MALRD1: variants seen among roughly 807,000 people sequenced by gnomAD.
MALRD1 encodes MAM and LDL-receptor class A domain-containing protein 1.
In MALRD1, 247 loss-of-function variants were observed where a neutral mutation model predicts 242.1. The observed-to-expected ratio is 1.02, with a 90% confidence interval of 0.92 to 1.13. The LOEUF (loss-of-function observed/expected upper bound fraction) is 1.13. Ranked by LOEUF, MALRD1 falls within the 50% of genes most tolerant of loss-of-function variation. MALRD1 has a pLI of 0.00. For missense variants in MALRD1, 2,989 were observed against 2,533.1 expected (o/e 1.18, Z -3.86); for synonymous variants, 995 against 866.6 (o/e 1.15, Z -2.60).
chr10:19,425,481 C>T lies in MALRD1; in HGVS notation c.4846-24826C>T, dbSNP rs555350065. Among the ~76,000 whole-genome samples, 220 of 152,134 alleles carry T rather than the reference C, an allele frequency of 1.4e-3. No individual in the cohort carries two copies. In the Middle Eastern group the frequency reaches 0.02, roughly 14 times the overall value. On this transcript the variant is annotated intron_variant, in intron 28 of 39. Coordinates refer to ENST00000454679, the MANE Select transcript of MALRD1 (RefSeq NM_001142308.3). Reference sequence around the variant, plus strand: ...ATGTATACATGGATCCATACCCACACATCTGTCTGTGACTGTCTTTTCTTT... The same window carrying T: ...ATGTATACATGGATCCATACCCACATATCTGTCTGTGACTGTCTTTTCTTT...
chr10:19,685,221 G>T (rs941662065), intron 36 of MALRD1, among the ~76,000 whole-genome samples: 2 of 152,066 alleles, frequency 1.3e-5, no homozygotes, highest in Non-Finnish European at 2.9e-5. Context: ...CTCTCTTTAA[G>T]AACTTTTCTT....
intron 24 of MALRD1, among the ~76,000 whole-genome samples, chr10:19,346,035 T>C (rs2130975757): frequency 6.6e-6 from 1 of 152,218 alleles, no homozygotes; most frequent in South Asian, 2.1e-4. Context: ...TCCTCCCACC[T>C]TAGCCTCCTA....
intron 26 of MALRD1, among the ~76,000 whole-genome samples, chr10:19,380,467 G>A (rs970922925): frequency 6.6e-6 from 1 of 151,560 alleles, no homozygotes; most frequent in East Asian, 1.9e-4. Flanking sequence ...TTCATTTTTT[G>A]CTTACGTTCT....
At chr10:19,556,696 A>G (rs1835733676) in intron 32 of MALRD1, among the ~76,000 whole-genome samples, 1 of 152,120 alleles carries the variant, frequency 6.6e-6, no homozygotes, top group Non-Finnish European at 1.5e-5. Flanking sequence ...AGTTTTGGCA[A>G]TTATAAATAA....
intron 31 of MALRD1, among the ~76,000 whole-genome samples, chr10:19,517,494 C>T (rs1006320756): frequency 4.6e-5 from 7 of 152,126 alleles, no homozygotes; most frequent in African/African-American, 7.2e-5. Flanking sequence ...AGAGTTTTCT[C>T]GCTGTAGCCA....
At chr10:19,137,388 A>G (rs2583652) in intron 10 of MALRD1, among the ~76,000 whole-genome samples, 114,085 of 151,828 alleles carry the variant, frequency 0.75, 43,079 homozygotes, top group East Asian at 0.82. Context: ...GGCAGATCAC[A>G]AGGTCAGGAG....
At chr10:19,401,211 A>G (rs1424696648) in intron 28 of MALRD1, among the ~76,000 whole-genome samples, 3 of 152,176 alleles carry the variant, frequency 2.0e-5, no homozygotes, top group Admixed American at 6.5e-5. Flanking sequence ...AGTCTATGTC[A>G]TACATTTGCA....
chr10:19,214,079 TA>T lies in MALRD1; in HGVS notation c.2991+4401del, dbSNP rs572735821. 2.7e-3 allele frequency among the ~76,000 whole-genome samples: 417 copies of T among 152,350 alleles called. 2 individuals carry two copies. Among genetic ancestry groups the T allele is most frequent in the African/African-American group, 9.6e-3 (400 of 41,592 alleles). On this transcript the variant is annotated intron_variant, in intron 18 of 39. Coordinates refer to ENST00000454679, the MANE Select transcript of MALRD1 (RefSeq NM_001142308.3). ...TAGGTACTTTTCTCTATGCCTGTCCTAACAATTACTTAGCTATGTACTTTAG... is the reference window on the plus strand; with the variant it reads ...TAGGTACTTTTCTCTATGCCTGTCCTACAATTACTTAGCTATGTACTTTAG...
At chr10:19,591,895 A>G (rs913826633) in intron 33 of MALRD1, among the ~76,000 whole-genome samples, 3 of 152,222 alleles carry the variant, frequency 2.0e-5, no homozygotes, top group Admixed American at 2.0e-4. Context: ...TTGATTACTG[A>G]AAGGAAACCA....
chr10:19,270,336 T>TCTCACACACA (rs1366865915), intron 19 of MALRD1, among the ~76,000 whole-genome samples: 32 of 130,876 alleles, frequency 2.4e-4, no homozygotes, highest in African/African-American at 5.8e-4. Flanking sequence ...TCTCTCTCTC[T>TCTCACACACA]CACACACACA....
intron 31 of MALRD1, among the ~76,000 whole-genome samples, chr10:19,511,904 G>A (rs757824551): frequency 1.3e-5 from 2 of 151,898 alleles, no homozygotes; most frequent in Non-Finnish European, 2.9e-5. Flanking sequence ...TTTGATCCTT[G>A]TTTTGGGGAA....
At chr10:19,637,511 A>T (rs1460994910) in intron 36 of MALRD1, among the ~76,000 whole-genome samples, 2 of 152,194 alleles carry the variant, frequency 1.3e-5, no homozygotes, top group Non-Finnish European at 2.9e-5. Flanking sequence ...ATAAAACTGG[A>T]TACCATGTTG....
chr10:19,193,018 AT>A (rs1836062776), intron 14 of MALRD1, among the ~76,000 whole-genome samples: 1 of 151,746 alleles, frequency 6.6e-6, no homozygotes, highest in South Asian at 2.1e-4. Flanking sequence ...TTTTCTTTGT[AT>A]TTGTTCTTTT....
intron 21 of MALRD1, among the ~76,000 whole-genome samples, chr10:19,308,174 T>C (rs1842298279): frequency 6.6e-6 from 1 of 151,532 alleles, no homozygotes; most frequent in East Asian, 1.9e-4. Context: ...ACATTTCGTC[T>C]AGACTCCCAC....
chr10:19,512,821 AT>A (rs1160389001), intron 31 of MALRD1, among the ~76,000 whole-genome samples: 1 of 151,660 alleles, frequency 6.6e-6, no homozygotes, highest in African/African-American at 2.4e-5. Flanking sequence ...TCACTCCAAG[AT>A]TTTTTTTTCA....
chr10:19,259,073 A>G (rs7893586), intron 19 of MALRD1, among the ~76,000 whole-genome samples: 1 of 151,966 alleles, frequency 6.6e-6, no homozygotes, highest in Non-Finnish European at 1.5e-5. Context: ...TACCCTTGAG[A>G]GCTATATTCT....
chr10:19,630,680 C>A (rs534266873), intron 36 of MALRD1, among the ~76,000 whole-genome samples: 70 of 152,022 alleles, frequency 4.6e-4, no homozygotes, highest in Admixed American at 1.2e-3. Context: ...TTGTCTTTTG[C>A]TATTGTTTAT....
intron 4 of MALRD1, among the ~76,000 whole-genome samples, chr10:19,103,109 A>G (rs1027119877): frequency 6.6e-6 from 1 of 151,682 alleles, no homozygotes; most frequent in African/African-American, 2.4e-5. Context: ...TCAGCCTCCC[A>G]AAGTGCTGGG....
chr10:19,530,248 A>G (rs1225564048), intron 31 of MALRD1, among the ~76,000 whole-genome samples: 1 of 149,148 alleles, frequency 6.7e-6, no homozygotes, highest in Admixed American at 6.8e-5. Context: ...CTTTAAACCT[A>G]AAATTGCTCT....
Sources: gnomAD v4.1 joint callset for allele counts (sites outside exome capture counted in the v4.1 genomes callset) on GRCh38, gnomAD v4.1.1 for gene constraint, MANE v1.5 for transcripts, NCBI Gene and HGNC (gene_info 2026-07-23, HGNC 2026-07-21) for gene names.